TTC39C: variants seen among roughly 807,000 people sequenced by gnomAD.
TTC39C encodes tetratricopeptide repeat protein 39C.
TTC39C carries 33 observed loss-of-function variants against 76.3 expected under a neutral mutation model. The ratio of observed to expected loss-of-function variants is 0.43; its 90% CI spans 0.33 to 0.58. The LOEUF (loss-of-function observed/expected upper bound fraction) is 0.58. Among genes scored for constraint, TTC39C ranks in the 20% least tolerant of loss-of-function variants. TTC39C has a pLI of 0.04. For missense variants in TTC39C, 595 were observed against 701.4 expected (o/e 0.85, Z 1.71); for synonymous variants, 254 against 260.6 (o/e 0.97, Z 0.24).
At chr18:24,123,786 C>T in intron 8 of TTC39C, 48 bp from the exon 9 acceptor site, 1 of 1,405,558 alleles carries the variant, frequency 7.1e-7, no homozygotes, top group Non-Finnish European at 9.8e-7. Flanking sequence ...TCCCTTATGG[C>T]ATTTTCCCTG....
chr18:24,045,977 C>T (rs1343732468), intron 1 of TTC39C, among the ~76,000 whole-genome samples: 1 of 110,722 alleles, frequency 9.0e-6, no homozygotes, highest in Non-Finnish European at 1.7e-5. Context: ...CTTGCTCTGT[C>T]ACCCAGGCTG....
chr18:24,036,943 T>A (rs959181498), intron 1 of TTC39C, among the ~76,000 whole-genome samples: 1 of 152,182 alleles, frequency 6.6e-6, no homozygotes, highest in African/African-American at 2.4e-5. Context: ...ATTTTTAGGG[T>A]TTCTTACATC....
At chr18:24,123,254 A>T (rs1012684807) in intron 8 of TTC39C, among the ~76,000 whole-genome samples, 4 of 152,170 alleles carry the variant, frequency 2.6e-5, no homozygotes, top group African/African-American at 4.8e-5. Flanking sequence ...GTTATGTGAA[A>T]AACTGTCTCC....
chr18:24,013,379 A>C (rs1254695533), upstream of TTC39C, among the ~76,000 whole-genome samples: 1 of 152,252 alleles, frequency 6.6e-6, no homozygotes, highest in East Asian at 1.9e-4. Context: ...ATAAAAGTTG[A>C]AAATCCTGTA....
rs930797266 is a variant in TTC39C, at chr18:24,132,685, G to T, written c.*111G>T. On this transcript the variant is annotated 3_prime_UTR_variant, in exon 14 of 14. Transcript: ENST00000317571. ...GGCTTTTCTTCTGAAAACCACCTGT[G>T]CCAGGGACACATTTTCCCAGTTAAG... 2.6e-5 allele frequency: 20 copies of T among 774,082 alleles called. No homozygotes were observed. The highest frequency in any genetic ancestry group is 2.3e-4 in the African/African-American group (13 of 56,030). 48.0% of individuals were successfully genotyped at this position (774,082 alleles called of 1,614,324 possible). A position where few individuals can be genotyped will look rare whatever the true frequency, so the allele number is the denominator to read the frequency against.
chr18:24,047,268 A>G (rs1429433657), intron 1 of TTC39C, among the ~76,000 whole-genome samples: 2 of 151,184 alleles, frequency 1.3e-5, no homozygotes, highest in Admixed American at 6.6e-5. Flanking sequence ...TAATTTTTGT[A>G]TTTTTGGTAG....
intron 1 of TTC39C, chr18:24,019,864 A>T (rs1282902972): frequency 3.3e-6 from 5 of 1,526,846 alleles, no homozygotes; most frequent in Non-Finnish European, 4.4e-6. Flanking sequence ...TTACAGAAAA[A>T]GTTTTTTGAC....
At chr18:24,096,117 G>GA (rs1286299394) in intron 6 of TTC39C, among the ~76,000 whole-genome samples, 1 of 152,186 alleles carries the variant, frequency 6.6e-6, no homozygotes, top group Non-Finnish European at 1.5e-5. Flanking sequence ...TAGCAGTCAT[G>GA]AAAAATTTGA....
At chr18:24,064,748 A>C (rs1257538374) in intron 2 of TTC39C, among the ~76,000 whole-genome samples, 1 of 152,196 alleles carries the variant, frequency 6.6e-6, no homozygotes, top group African/African-American at 2.4e-5. Context: ...ACTATTAATG[A>C]ATTGTGTAAC....
At chr18:24,056,961 G>A (rs1392684925) in intron 1 of TTC39C, among the ~76,000 whole-genome samples, 1 of 152,090 alleles carries the variant, frequency 6.6e-6, no homozygotes, top group Non-Finnish European at 1.5e-5. Flanking sequence ...AGGATTATAG[G>A]TGTGAGCCAT....
intron 1 of TTC39C, among the ~76,000 whole-genome samples, chr18:24,021,067 A>G (rs2083511974): frequency 6.6e-6 from 1 of 152,176 alleles, no homozygotes; most frequent in Non-Finnish European, 1.5e-5. Context: ...CTCCTTTCCC[A>G]GGGTAATCCT....
intron 1 of TTC39C, among the ~76,000 whole-genome samples, chr18:24,001,033 A>T (rs2083307410): frequency 6.6e-6 from 1 of 152,158 alleles, no homozygotes; most frequent in Admixed American, 6.5e-5. Flanking sequence ...AGATTCTGTC[A>T]TTCTAGAACC....
intron 12 of TTC39C, among the ~76,000 whole-genome samples, chr18:24,131,275 C>G (rs1423787063): frequency 6.6e-6 from 1 of 150,472 alleles, no homozygotes; most frequent in East Asian, 1.9e-4. Flanking sequence ...TTTTGATAAT[C>G]ATTAATTTTA....
chr18:24,112,655 A>G (rs973350196), intron 6 of TTC39C, among the ~76,000 whole-genome samples: 10 of 152,188 alleles, frequency 6.6e-5, no homozygotes, highest in African/African-American at 2.4e-4. Flanking sequence ...TCTGAAGGAC[A>G]GCGTGCTATT....
At chr18:24,069,112 T>A (rs773949928) in intron 3 of TTC39C, 45 bp from the exon 4 acceptor site, 1 of 1,411,690 alleles carries the variant, frequency 7.1e-7, no homozygotes, top group East Asian at 2.3e-5. Context: ...GAACTGTCGT[T>A]GTTATGTGTG....
At chr18:23,997,665 A>AGAAAGAAGGAAAGAAG (rs747631956) in intron 1 of TTC39C, among the ~76,000 whole-genome samples, 2 of 118,590 alleles carry the variant, frequency 1.7e-5, no homozygotes, top group Admixed American at 8.7e-5. Flanking sequence ...AAAGAAAGAA[A>AGAAAGAAGGAAAGAAG]GAAAGAAAGA....
chr18:24,079,764 C>A (rs1438799175), intron 4 of TTC39C, among the ~76,000 whole-genome samples: 6 of 148,674 alleles, frequency 4.0e-5, no homozygotes, highest in African/African-American at 1.5e-4. Flanking sequence ...TTTTTTTTGG[C>A]AAGACGCAAT....
chr18:24,084,257 G>T (rs1176279114), intron 6 of TTC39C, among the ~76,000 whole-genome samples: 1 of 152,180 alleles, frequency 6.6e-6, no homozygotes, highest in Admixed American at 6.5e-5. Flanking sequence ...GCTGAGGCAG[G>T]TGTATCACCT....
At position 24,069,215 on chromosome 18, in the gene TTC39C, T is replaced by C. The variant is rs1162080469; in HGVS notation, c.404T>C (p.Ile135Thr). The C allele has an allele frequency of 6.2e-7, 1 of 1,614,152 alleles. No homozygotes were observed. The highest frequency in any genetic ancestry group is 1.1e-5 in the South Asian group (1 of 91,080). ...MVDRLQRQII[I>T]ADCQVYLAVL... is the part of the protein sequence containing the mutation. ...GATCGGCTTCAGAGGCAGATAATCA[T>C]AGCTGACTGCCAGGTTTACCTGGCT... The change falls in exon 4 of 14, where the codon ATA becomes ACA. Residue 135 changes from isoleucine to threonine, a missense_variant. Coordinates refer to ENST00000317571, the MANE Select transcript of TTC39C (RefSeq NM_001135993.2).
Sources: allele counts gnomAD v4.1 joint callset (sites outside exome capture counted in the v4.1 genomes callset), GRCh38; gene constraint gnomAD v4.1.1; transcripts MANE v1.5; gene names NCBI Gene and HGNC (gene_info 2026-07-23, HGNC 2026-07-21).